CSMD1: variants seen among roughly 807,000 people sequenced by gnomAD.
The protein encoded by CSMD1 is CUB and Sushi multiple domains 1.
A neutral mutation model predicts 417.5 loss-of-function variants in CSMD1; 213 were observed. That is an observed-to-expected ratio of 0.51 (90% confidence interval 0.46 to 0.57). The LOEUF is 0.57. Among genes scored for constraint, CSMD1 ranks in the 20% least tolerant of loss-of-function variants. The pLI, the probability that CSMD1 is intolerant of heterozygous loss-of-function variation, is 0.00. For missense variants in CSMD1, 6,923 were observed against 4,529.7 expected, an observed-to-expected ratio of 1.53 and a Z score of -15.17; for synonymous variants, 2,862 against 1,736.8, an observed-to-expected ratio of 1.65 and a Z score of -16.11.
chr8:3,102,616 C>A (rs1397070608), intron 46 of CSMD1, among the ~76,000 whole-genome samples: 1 of 152,146 alleles, frequency 6.6e-6, no homozygotes, highest in Non-Finnish European at 1.5e-5. Context: ...TGTCATCATG[C>A]AAAGATAACA....
intron 7 of CSMD1, among the ~76,000 whole-genome samples, chr8:3,683,353 C>A (rs1165616805): frequency 1.3e-5 from 2 of 152,146 alleles, no homozygotes; most frequent in African/African-American, 4.8e-5. Flanking sequence ...TTCTTTTATA[C>A]AACCACGAGT....
intron 5 of CSMD1, among the ~76,000 whole-genome samples, chr8:3,765,023 G>T (rs572694187): frequency 1.3e-5 from 2 of 151,990 alleles, no homozygotes; most frequent in East Asian, 3.9e-4. Context: ...GGGATTACAG[G>T]CATGACCCAC....
chr8:3,386,300 TTC>T (rs1197149306), intron 18 of CSMD1, among the ~76,000 whole-genome samples: 2 of 152,172 alleles, frequency 1.3e-5, no homozygotes, highest in African/African-American at 4.8e-5. Flanking sequence ...CTGCACCTCT[TTC>T]TCAGCCTGCT....
intron 3 of CSMD1, among the ~76,000 whole-genome samples, chr8:4,174,843 C>T (rs1358194272): frequency 1.4e-5 from 2 of 143,010 alleles, no homozygotes; most frequent in African/African-American, 5.2e-5. Context: ...TACACCTTCG[C>T]CTCAAAATTT....
In CSMD1 at chr8:2,973,296, T is replaced by C. The variant is rs1804620408; in HGVS notation, c.8744A>G (p.Asn2915Ser). The stretch of plus-strand genomic sequence containing the variant: ...CGGATCACCACAGAATCCAGGATTA[T>C]TTCCTATTGAAAACAAACACATACG... ...WSGALPHCTG[N>S]NPGFCGDPGT... Residue 2915 changes from asparagine (N) to serine (S), a missense_variant, in exon 57 of 70, where the codon AAT becomes AGT. By Grantham distance (46) the Asn-to-Ser change is conservative (BLOSUM62 1). Coordinates refer to ENST00000635120, the MANE Select transcript of CSMD1 (RefSeq NM_033225.6). The C allele has an allele frequency of 1.2e-6, 2 of 1,613,542 alleles. No homozygotes were observed. The highest frequency in any genetic ancestry group is 1.7e-6 in the Non-Finnish European group (2 of 1,179,568).
At chr8:4,045,874 A>T (rs1039913297) in intron 3 of CSMD1, among the ~76,000 whole-genome samples, 13 of 151,822 alleles carry the variant, frequency 8.6e-5, no homozygotes, top group Admixed American at 2.0e-4. Context: ...TTTTTTTTTA[A>T]TTAGAGTTTT....
chr8:3,888,730 T>C (rs1364938402), intron 5 of CSMD1, among the ~76,000 whole-genome samples: 2 of 152,030 alleles, frequency 1.3e-5, no homozygotes, highest in African/African-American at 2.4e-5. Flanking sequence ...CCTTATTGAG[T>C]CCCAGTCTCT....
intron 1 of CSMD1, among the ~76,000 whole-genome samples, chr8:4,829,169 C>A (rs1799997628): frequency 6.6e-6 from 1 of 152,158 alleles, no homozygotes; most frequent in Non-Finnish European, 1.5e-5. Flanking sequence ...AATTCCACAG[C>A]CAATGTAATT....
intron 12 of CSMD1, among the ~76,000 whole-genome samples, chr8:3,448,053 A>G (rs10282915): frequency 0.77 from 117,523 of 151,706 alleles, 45,819 homozygotes; most frequent in African/African-American, 0.87. Flanking sequence ...CTTGTGTCAT[A>G]CACAGGATTT....
chr8:3,959,967 C>T (rs373128276), intron 5 of CSMD1, among the ~76,000 whole-genome samples: 5 of 152,238 alleles, frequency 3.3e-5, no homozygotes, highest in African/African-American at 7.2e-5. Context: ...TGAACATTTA[C>T]GAAATAACAA....
chr8:3,721,831 G>A (rs142644265), intron 6 of CSMD1, among the ~76,000 whole-genome samples: 19 of 152,218 alleles, frequency 1.2e-4, no homozygotes, highest in Non-Finnish European at 2.5e-4. Flanking sequence ...ATTAATTACA[G>A]GGAGTTTTCT....
At chr8:3,084,333 G>A (rs1329528402) in intron 49 of CSMD1, among the ~76,000 whole-genome samples, 1 of 151,980 alleles carries the variant, frequency 6.6e-6, no homozygotes, top group Non-Finnish European at 1.5e-5. Flanking sequence ...AGACCAGCCC[G>A]AGCAACATGG....
chr8:4,472,991 T>A (rs1800619713), intron 2 of CSMD1, among the ~76,000 whole-genome samples: 1 of 152,122 alleles, frequency 6.6e-6, no homozygotes, highest in East Asian at 1.9e-4. Context: ...TATTTTTATA[T>A]GTACACATAA....
chr8:4,372,508 A>G (rs1368041291), intron 3 of CSMD1, among the ~76,000 whole-genome samples: 3 of 152,154 alleles, frequency 2.0e-5, no homozygotes, highest in Admixed American at 6.6e-5. Context: ...AAACAGAAAA[A>G]AAGTCCTCTA....
rs1033305046 is a variant in CSMD1 at position 4,881,368 on chromosome 8, G to T, written c.85+112964C>A. Among the ~76,000 whole-genome samples the T allele has an allele frequency of 2.0e-5, 3 of 151,792 alleles. No homozygotes were observed. In the South Asian group the frequency reaches 6.3e-4, roughly 32 times the overall value. On this transcript the variant is annotated intron_variant, in intron 1 of 69. Coordinates refer to ENST00000635120, the MANE Select transcript of CSMD1 (RefSeq NM_033225.6). ...TATGGTTACACAGTAACTATTTTGTGAGCAATTAAATGGATATAGTTGAAC... is the reference window on the plus strand; with the variant it reads ...TATGGTTACACAGTAACTATTTTGTTAGCAATTAAATGGATATAGTTGAAC...
intron 5 of CSMD1, among the ~76,000 whole-genome samples, chr8:3,946,348 T>A (rs1291401860): frequency 1.3e-5 from 2 of 152,110 alleles, no homozygotes; most frequent in African/African-American, 4.8e-5. Context: ...GTCAAAAAAA[T>A]CATTTTATCA....
chr8:4,624,616 C>G lies in CSMD1; in HGVS notation c.302+12726G>C, dbSNP rs1016021169. On this transcript the variant is annotated intron_variant, in intron 2 of 69. Coordinates refer to ENST00000635120, the MANE Select transcript of CSMD1 (RefSeq NM_033225.6). The stretch of plus-strand genomic sequence containing the variant: ...GGAAGATCCACGACATTGGACACGC[C>G]TCACATTTTTGCCTGGCAACGGTGG... Among the ~76,000 whole-genome samples the G allele has an allele frequency of 6.6e-5, 10 of 152,144 alleles. 1 individual carries two copies. The highest frequency in any genetic ancestry group is 2.2e-4 in the African/African-American group (9 of 41,422).
chr8:3,073,009 AT>A (rs1486529546), intron 49 of CSMD1, among the ~76,000 whole-genome samples: 9 of 152,128 alleles, frequency 5.9e-5, no homozygotes, highest in Non-Finnish European at 2.9e-5. Flanking sequence ...CATAAAATTA[AT>A]TTTTTCCACT....
chr8:4,548,667 T>C (rs1797735341), intron 2 of CSMD1, among the ~76,000 whole-genome samples: 1 of 152,204 alleles, frequency 6.6e-6, no homozygotes, highest in Non-Finnish European at 1.5e-5. Context: ...AATTAGGTGT[T>C]TGATTTTCCA....
Sources: allele counts gnomAD v4.1 joint callset (sites outside exome capture counted in the v4.1 genomes callset), GRCh38; gene constraint gnomAD v4.1.1; transcripts MANE v1.5; gene names NCBI Gene and HGNC (gene_info 2026-07-23, HGNC 2026-07-21).